ARL10: variants seen among roughly 807,000 people sequenced by gnomAD.
ARL10 encodes the protein ADP-ribosylation factor-like protein 10.
ARL10 carries 23 observed loss-of-function variants against 26.1 expected under a neutral mutation model. That is an observed-to-expected ratio of 0.88 (90% CI 0.63 to 1.25). The LOEUF is 1.25. ARL10 is among the 50% of genes most tolerant of loss of function. ARL10 has a pLI of 0.00. For missense variants in ARL10, 300 were observed against 323.6 expected, an observed-to-expected ratio of 0.93 and a Z score of 0.56; for synonymous variants, 138 against 149.1, an observed-to-expected ratio of 0.93 and a Z score of 0.54.
chr5:176,403,118 C>T (rs1277907109), downstream of ARL10, among the ~76,000 whole-genome samples: 1 of 148,406 alleles, frequency 6.7e-6, no homozygotes, highest in African/African-American at 2.5e-5. Context: ...GTCAGGATCT[C>T]GGCTCACTGC....
At chr5:176,388,732 A>T, downstream of ARL10, 1 of 1,540,512 alleles carries the variant, frequency 6.5e-7, no homozygotes, top group Non-Finnish European at 8.8e-7. Context: ...TACAAGGCTC[A>T]ATTTATTCGT....
At chr5:176,410,237 T>C in the ARL10 span, 3 of 1,612,906 alleles carry the variant, frequency 1.9e-6, no homozygotes, top group Non-Finnish European at 2.5e-6. Flanking sequence ...TTACCACTGC[T>C]GAGACAGAGC....
At position 176,371,969 on chromosome 5, in the gene ARL10, G is replaced by T. The variant is rs1268436772; in HGVS notation, c.*74G>T. On this transcript the variant is annotated 3_prime_UTR_variant, in exon 4 of 4. Coordinates refer to ENST00000310389, the MANE Select transcript of ARL10 (RefSeq NM_173664.6). ...TGCTGCTGCTTCATTGCCAGACTGG[G>T]CCTGGGGCAAGAGCCACATGGCAGC... 1.3e-6 allele frequency: 2 copies of T among 1,541,638 alleles called. No individual in the cohort carries two copies. The highest frequency in any genetic ancestry group is 1.8e-6 in the Non-Finnish European group (2 of 1,142,758).
intron 3 of ARL10, 137 bp downstream of exon 3, chr5:176,369,119 C>T (rs1581393419): frequency 6.5e-7 from 1 of 1,536,040 alleles, no homozygotes; most frequent in East Asian, 2.4e-5. Flanking sequence ...TACCTATGCC[C>T]TGTCCTGATC....
rs903343387 is a variant in ARL10, at chr5:176,372,266, A to G, written c.*371A>G. Reference sequence around the variant, plus strand: ...CAGTGTAGGTGTCAGAAATACTCCTAGAGCCTCAAGGTCTCCCAGTCCAGA... The same window carrying G: ...CAGTGTAGGTGTCAGAAATACTCCTGGAGCCTCAAGGTCTCCCAGTCCAGA... On this transcript the variant is annotated 3_prime_UTR_variant, in exon 4 of 4. Transcript: ENST00000310389. 2 of 251,582 alleles carry G rather than the reference A, an allele frequency of 7.9e-6. No individual in the cohort carries two copies. Among genetic ancestry groups the G allele is most frequent in the African/African-American group, 4.5e-5 (2 of 44,410 alleles). 15.6% of individuals were successfully genotyped at this position (251,582 alleles called of 1,614,324 possible). A position where few individuals can be genotyped will look rare whatever the true frequency, so the allele number is the denominator to read the frequency against.
chr5:176,392,070 AC>A (rs1756276553), downstream of ARL10, among the ~76,000 whole-genome samples: 1 of 152,080 alleles, frequency 6.6e-6, no homozygotes. The surrounding 1 kb of genome is among the most constrained non-coding windows in gnomAD (Gnocchi z 5.2). Context: ...AGGGCAGTGG[AC>A]CCTCCACATC....
intron 1 of ARL10, 38 bp downstream of exon 1, chr5:176,365,784 G>C (rs1339936425): frequency 4.6e-5 from 57 of 1,232,124 alleles, no homozygotes; most frequent in Non-Finnish European, 5.6e-5. Context: ...GGGCGGGCAG[G>C]CTGGGCTGCG....
At position 176,376,714 on chromosome 5, in the gene ARL10, CCTGGTTAGCTTTACCTTAAAGT is replaced by C. The variant is rs1768701474; in HGVS notation, c.*4822_*4843del. The C allele has an allele frequency of 6.6e-6, 1 of 152,168 alleles. No individual in the cohort carries two copies. Among genetic ancestry groups the C allele is most frequent in the Non-Finnish European group, 1.5e-5 (1 of 68,038 alleles). The allele number at this position is 152,168 out of a possible 1,614,324, so 9.4% of individuals were successfully genotyped here. A position where few individuals can be genotyped will look rare whatever the true frequency, so the allele number is the denominator to read the frequency against. On this transcript the variant is annotated 3_prime_UTR_variant, in exon 4 of 4. Coordinates refer to ENST00000310389, the MANE Select transcript of ARL10 (RefSeq NM_173664.6). ...TGATCTGCTTCTGGGGAAAAACTTC[CCTGGTTAGCTTTACCTTAAAGT>C]CTCCAACAGGTGTGTAGTTCCAGGA... is the stretch of plus-strand genomic sequence containing the variant.
chr5:176,399,344 C>G (rs777848876), intron 1 of ARL10, among the ~76,000 whole-genome samples: 2 of 152,206 alleles, frequency 1.3e-5, no homozygotes, highest in Non-Finnish European at 2.9e-5. Flanking sequence ...AGAACTTGGA[C>G]TCTGCAGCCA....
intron 3 of ARL10, among the ~76,000 whole-genome samples, chr5:176,369,578 C>T (rs946766757): frequency 6.6e-5 from 10 of 152,134 alleles, no homozygotes; most frequent in African/African-American, 2.4e-4. Flanking sequence ...CTTCTGTTGA[C>T]CCTATAAAGT....
chr5:176,394,624 C>A (rs1756422334), intron 1 of ARL10, among the ~76,000 whole-genome samples: 1 of 151,096 alleles, frequency 6.6e-6, no homozygotes, highest in South Asian at 2.1e-4. Context: ...AGCATCCTGG[C>A]TAACACGGTG....
rs1255663182 is a variant in ARL10 at position 176,393,871 on chromosome 5, GGTCTAT to G, written c.134-7866_134-7861del. On this transcript the variant is annotated intron_variant, in intron 1 of 1. Coordinates refer to the ARL10 transcript ENST00000514533. The surrounding 1 kb of genome is among the most constrained non-coding windows in gnomAD (Gnocchi z 4.4). ...AGGGATTCTTAGGTGAGGAGAGCTG[GGTCTAT>G]GTCCTGTTTGGCCAGCGAGGGTCGC... 1.3e-5 allele frequency among the ~76,000 whole-genome samples: 2 copies of G among 152,166 alleles called. No individual in the cohort carries two copies. Among genetic ancestry groups the G allele is most frequent in the Admixed American group, 6.5e-5 (1 of 15,268 alleles).
rs1768708235 is a variant in ARL10, at chr5:176,377,137, TG to T, written c.*5243del. On this transcript the variant is annotated 3_prime_UTR_variant, in exon 4 of 4. Coordinates refer to ENST00000310389, the MANE Select transcript of ARL10 (RefSeq NM_173664.6). The surrounding 1 kb of genome is among the most constrained non-coding windows in gnomAD (Gnocchi z 4.5). ...TCTGTGTCTGTCGTAGGAATGGATC[TG>T]ATCTGCTGACCAAAGGCAATGGTTG... is the stretch of plus-strand genomic sequence containing the variant. 6.6e-6 allele frequency: 1 copy of T among 152,256 alleles called. No individual in the cohort carries two copies. Among genetic ancestry groups the T allele is most frequent in the South Asian group, 2.1e-4 (1 of 4,834 alleles). 9.4% of individuals were successfully genotyped at this position (152,256 alleles called of 1,614,324 possible).
the ARL10 span, among the ~76,000 whole-genome samples, chr5:176,414,631 T>C: frequency 2.6e-5 from 4 of 152,026 alleles, no homozygotes; most frequent in Non-Finnish European, 5.9e-5. Context: ...TTTGTAGAGA[T>C]GGGGTTTCAC....
downstream of ARL10, chr5:176,389,033 T>C: frequency 6.3e-7 from 1 of 1,588,808 alleles, no homozygotes. Context: ...GGGAAGGAAG[T>C]AGAGAAGGAC....
At chr5:176,409,712 C>A in the ARL10 span, among the ~76,000 whole-genome samples, 4 of 152,052 alleles carry the variant, frequency 2.6e-5, no homozygotes, top group African/African-American at 9.7e-5. Context: ...CTGCACCCGG[C>A]CCTGATTGCC....
intron 3 of ARL10, among the ~76,000 whole-genome samples, chr5:176,371,248 A>AG (rs879265022): frequency 6.6e-6 from 1 of 152,018 alleles, no homozygotes; most frequent in South Asian, 2.1e-4. Context: ...GGTGGCTCAC[A>AG]CCTGTAGTCC....
chr5:176,407,882 T>C, the ARL10 span, among the ~76,000 whole-genome samples: 20 of 152,164 alleles, frequency 1.3e-4, no homozygotes, highest in Non-Finnish European at 4.4e-5. Flanking sequence ...TCTCCCTGCA[T>C]AAGGTACCAG....
chr5:176,389,302 G>A (rs1195792412), downstream of ARL10: 2 of 1,599,190 alleles, frequency 1.3e-6, no homozygotes, highest in Non-Finnish European at 1.7e-6. Context: ...CCGACCTGCT[G>A]TTTCCCAGTT....
Sources: allele counts gnomAD v4.1 joint callset (sites outside exome capture counted in the v4.1 genomes callset), GRCh38; gene constraint gnomAD v4.1.1; non-coding constraint Gnocchi (gnomAD v3.1); transcripts MANE v1.5; gene names NCBI Gene and HGNC (gene_info 2026-07-23, HGNC 2026-07-21).